The following PRRG1 variants were observed in gnomAD, a reference collection of about 807,000 sequenced individuals.
PRRG1 encodes the protein transmembrane gamma-carboxyglutamic acid protein 1.
PRRG1 carries 5 observed loss-of-function variants against 11.8 expected under a neutral mutation model. The ratio of observed to expected loss-of-function variants is 0.42; its 90% confidence interval spans 0.22 to 0.89. PRRG1 has a LOEUF of 0.89. Among genes scored for constraint, PRRG1 ranks in the 40% least tolerant of loss-of-function variants. The pLI is 0.28. For missense variants in PRRG1, 155 were observed against 166.1 expected (o/e 0.93, Z 0.37); for synonymous variants, 66 against 60.4 (o/e 1.09, Z -0.43).
chrX:37,354,664 A>G (rs1556365674), intron 1 of PRRG1, among the ~76,000 whole-genome samples: 3 of 110,828 alleles, frequency 2.7e-5, no homozygotes, highest in Non-Finnish European at 3.8e-5. Flanking sequence ...AAGTGCTGGG[A>G]TTACAGGCGT....
At chrX:37,421,909 A>G (rs782454431) in intron 2 of PRRG1, among the ~76,000 whole-genome samples, 34 of 112,012 alleles carry the variant, frequency 3.0e-4, no homozygotes. Context: ...GATATCTTCT[A>G]ATGGACTGGA....
chrX:37,455,049 G>C lies in PRRG1; in HGVS notation c.*1428G>C, dbSNP rs1393036667. 9.0e-6 allele frequency: 1 copy of C among 111,581 alleles called. No homozygotes were observed. Among genetic ancestry groups the C allele is most frequent in the African/African-American group, 3.3e-5 (1 of 30,673 alleles). 9.2% of individuals were successfully genotyped at this position (111,581 alleles called of 1,213,427 possible). A position where few individuals can be genotyped will look rare whatever the true frequency, so the allele number is the denominator to read the frequency against. ...CAGGCAGAAGGAATGTAGGTTTCAGGTGTGTCATTTCCTGCTGCTTCCAGC... is the reference window on the plus strand; with the variant it reads ...CAGGCAGAAGGAATGTAGGTTTCAGCTGTGTCATTTCCTGCTGCTTCCAGC... On this transcript the variant is annotated 3_prime_UTR_variant, in exon 4 of 4. Transcript: ENST00000378628.
intron 3 of PRRG1, among the ~76,000 whole-genome samples, chrX:37,432,110 T>C (rs1064711): frequency 0.02 from 1,912 of 94,287 alleles, 49 homozygotes; most frequent in African/African-American, 0.073. Flanking sequence ...TTTTTTGAGA[T>C]GGAGTCTCGC....
chrX:37,395,583 C>G (rs1438496766), intron 1 of PRRG1, among the ~76,000 whole-genome samples: 4 of 105,777 alleles, frequency 3.8e-5, no homozygotes, highest in Admixed American at 2.0e-4. Flanking sequence ...CCACTGCACT[C>G]CAGCCCAGGC....
intron 3 of PRRG1, among the ~76,000 whole-genome samples, chrX:37,452,017 T>C (rs782551657): frequency 8.9e-6 from 1 of 111,874 alleles, no homozygotes; most frequent in East Asian, 2.8e-4. Flanking sequence ...GCTCCCTCCC[T>C]TGATGCCAGA....
chrX:37,453,537 C>T lies in PRRG1; in HGVS notation c.573C>T (p.Asp191=). The change falls in exon 4 of 4, where the codon GAC becomes GAT. Residue 191 remains aspartate (D), a synonymous_variant. Coordinates refer to ENST00000378628, the MANE Select transcript of PRRG1 (RefSeq NM_001142395.2). The stretch of plus-strand genomic sequence containing the variant: ...GGAGTGAAACAGAACCTCATTTAGA[C>T]CCACCCCCAGAGTATGAGGACATAG... The part of the protein sequence containing the change: ...LQRSETEPHL[D]PPPEYEDIVN... 1.7e-6 allele frequency: 2 copies of T among 1,210,503 alleles called. No homozygotes were observed. Among genetic ancestry groups the T allele is most frequent in the Non-Finnish European group, 2.2e-6 (2 of 894,733 alleles).
At chrX:37,395,771 T>A (rs1931694006) in intron 1 of PRRG1, among the ~76,000 whole-genome samples, 1 of 111,586 alleles carries the variant, frequency 9.0e-6, no homozygotes, top group African/African-American at 3.3e-5. Context: ...GTAGATAAAA[T>A]ATGATACAGA....
intron 2 of PRRG1, among the ~76,000 whole-genome samples, chrX:37,410,512 C>T (rs1350410152): frequency 5.4e-5 from 6 of 111,853 alleles, no homozygotes; most frequent in African/African-American, 1.6e-4. Context: ...TTTTTGATAT[C>T]TGCAATGTTC....
intron 2 of PRRG1, among the ~76,000 whole-genome samples, chrX:37,414,001 A>G (rs1443194094): frequency 8.9e-6 from 1 of 111,898 alleles, no homozygotes; most frequent in Non-Finnish European, 1.9e-5. Context: ...ATAGTAGGTT[A>G]TGCCATCTAG....
Position 37,406,419 on chromosome X carries a change from C to T in PRRG1, c.10+160C>T, listed in dbSNP as rs973095164. Among the ~76,000 whole-genome samples the T allele has an allele frequency of 3.6e-5, 4 of 110,845 alleles. No individual in the cohort carries two copies. In the Admixed American group the frequency reaches 3.9e-4, roughly 11 times the overall value. On this transcript the variant is annotated intron_variant, in intron 2 of 3. Transcript: ENST00000378628. ...TGAAGCAGGGCTTTTCAGAGAAAGA[C>T]CATCAACCACATTTATTCACTGGAT...
chrX:37,353,854 C>T (rs1930149372), intron 1 of PRRG1, among the ~76,000 whole-genome samples: 1 of 112,688 alleles, frequency 8.9e-6, no homozygotes, highest in African/African-American at 3.2e-5. Context: ...AAAGGCATTT[C>T]TCAGACCATA....
chrX:37,421,771 A>G (rs1602021670), intron 2 of PRRG1, among the ~76,000 whole-genome samples: 1 of 112,435 alleles, frequency 8.9e-6, no homozygotes, highest in African/African-American at 3.2e-5. Context: ...TTTAGGGTCC[A>G]TTAGGTTTCC....
intron 1 of PRRG1, among the ~76,000 whole-genome samples, chrX:37,376,912 T>C (rs1277519573): frequency 9.1e-6 from 1 of 109,507 alleles, no homozygotes; most frequent in Non-Finnish European, 1.9e-5. Flanking sequence ...TTAACCTAGT[T>C]AGGACTTTTT....
At chrX:37,370,651 G>A (rs1293206486) in intron 1 of PRRG1, among the ~76,000 whole-genome samples, 2 of 111,425 alleles carry the variant, frequency 1.8e-5, no homozygotes, top group Non-Finnish European at 3.8e-5. Context: ...TTGGGGCCAG[G>A]AGCAGACAGG....
intron 2 of PRRG1, among the ~76,000 whole-genome samples, chrX:37,414,888 C>G (rs1288163145): frequency 1.8e-5 from 2 of 112,332 alleles, no homozygotes; most frequent in African/African-American, 3.2e-5. Flanking sequence ...CATTCACTCT[C>G]TATTTCATGG....
chrX:37,370,934 C>T (rs1444763862), intron 1 of PRRG1, among the ~76,000 whole-genome samples: 8 of 111,422 alleles, frequency 7.2e-5, no homozygotes, highest in African/African-American at 2.6e-4. Flanking sequence ...TGCTGGCGTG[C>T]AGGCACCCTT....
At chrX:37,417,878 TTGATTTTC>T (rs1463110901) in intron 2 of PRRG1, among the ~76,000 whole-genome samples, 1 of 111,986 alleles carries the variant, frequency 8.9e-6, no homozygotes, top group Non-Finnish European at 1.9e-5. Flanking sequence ...GGGTGCTTTT[TTGATTTTC>T]TCTGTTTGTT....
In PRRG1 at chrX:37,382,519, T is replaced by C. The variant is rs1455855943; in HGVS notation, c.-41-23690T>C. ...TCAAATCTTAAAGGCTGCATAATTT[T>C]CCAGTGTATGGATATAACAAGGTTT... On this transcript the variant is annotated intron_variant, in intron 1 of 3. Coordinates refer to ENST00000378628, the MANE Select transcript of PRRG1 (RefSeq NM_001142395.2). Among the ~76,000 whole-genome samples the C allele has an allele frequency of 3.6e-5, 4 of 111,424 alleles. No homozygotes were observed. In the Admixed American group the frequency reaches 3.8e-4, roughly 11 times the overall value.
intron 1 of PRRG1, among the ~76,000 whole-genome samples, chrX:37,352,256 G>C (rs1930092056): frequency 8.9e-6 from 1 of 112,698 alleles, no homozygotes; most frequent in African/African-American, 3.2e-5. Flanking sequence ...TGCCTGCAAA[G>C]CAGACAGAGA....
Sources: allele counts gnomAD v4.1 joint callset (sites outside exome capture counted in the v4.1 genomes callset), GRCh38; gene constraint gnomAD v4.1.1; transcripts MANE v1.5; gene names NCBI Gene and HGNC (gene_info 2026-07-23, HGNC 2026-07-21).